Variants in SMAP1 observed in about 807,000 individuals in gnomAD.
The protein encoded by SMAP1 is stromal membrane-associated protein 1.
A neutral mutation model predicts 58.5 loss-of-function variants in SMAP1; 24 were observed. That is an observed-to-expected ratio of 0.41 (90% CI 0.30 to 0.58). SMAP1 has a LOEUF of 0.58. Among genes scored for constraint, SMAP1 ranks in the 20% least tolerant of loss-of-function variants. The pLI, the probability that SMAP1 is intolerant of heterozygous loss-of-function variation, is 0.29. For synonymous variants in SMAP1, 216 were observed against 196.6 expected, an observed-to-expected ratio of 1.10 and a Z score of -0.82; for missense variants, 563 against 566.3, an observed-to-expected ratio of 0.99 and a Z score of 0.06.
chr6:70,783,862 A>C (rs570580382), intron 4 of SMAP1, among the ~76,000 whole-genome samples: 82 of 152,350 alleles, frequency 5.4e-4, no homozygotes, highest in Middle Eastern at 3.4e-3. Flanking sequence ...AATGGAACCA[A>C]GTTGGAAAAC....
At chr6:70,794,711 TC>T (rs1004385155) in intron 5 of SMAP1, among the ~76,000 whole-genome samples, 13 of 152,090 alleles carry the variant, frequency 8.5e-5, no homozygotes, top group Admixed American at 5.9e-4. Flanking sequence ...CTCATCCATG[TC>T]CCTAGAAAGG....
chr6:70,814,552 C>A (rs906758014), intron 6 of SMAP1, among the ~76,000 whole-genome samples: 5 of 152,148 alleles, frequency 3.3e-5, no homozygotes, highest in South Asian at 2.1e-4. Flanking sequence ...TTAGAGCCTT[C>A]AGCTCTGTGC....
chr6:70,701,537 C>T (rs993126503), intron 1 of SMAP1, among the ~76,000 whole-genome samples: 2 of 152,146 alleles, frequency 1.3e-5, no homozygotes, highest in Non-Finnish European at 1.5e-5. Context: ...CTCAGGTTCT[C>T]GCTGCTGGGA....
At chr6:70,682,782 A>T (rs1766773796) in intron 1 of SMAP1, among the ~76,000 whole-genome samples, 1 of 152,192 alleles carries the variant, frequency 6.6e-6, no homozygotes, top group African/African-American at 2.4e-5. Flanking sequence ...TCATGCCTGT[A>T]ATCCTAGCAC....
At position 70,774,732 on chromosome 6, in the gene SMAP1, T is replaced by A. The variant is rs573606727; in HGVS notation, c.414+1307T>A. 2.2e-4 allele frequency among the ~76,000 whole-genome samples: 34 copies of A among 151,732 alleles called. No homozygotes were observed. In the South Asian group the frequency reaches 3.5e-3, roughly 16 times the overall value. ...CCCTATCTCTTTTTATTAAAAAAAA[T>A]TTTTATTTTTTTTTCGACTGGGCAT... On this transcript the variant is annotated intron_variant, in intron 4 of 10. Transcript: ENST00000370455.
intron 3 of SMAP1, among the ~76,000 whole-genome samples, chr6:70,763,499 C>G (rs1413913444): frequency 6.6e-6 from 1 of 152,142 alleles, no homozygotes; most frequent in Admixed American, 6.6e-5. Context: ...CCTACAGTAG[C>G]TTCTAAGTGT....
At chr6:70,784,921 A>G (rs1049984384) in intron 4 of SMAP1, among the ~76,000 whole-genome samples, 4 of 152,350 alleles carry the variant, frequency 2.6e-5, no homozygotes, top group Middle Eastern at 3.4e-3. Flanking sequence ...AAGGATACCC[A>G]GGAATAGAAC....
chr6:70,675,198 GTTTTTTTTTTTTTTTTT>G (rs67744035), intron 1 of SMAP1, among the ~76,000 whole-genome samples: 1 of 109,982 alleles, frequency 9.1e-6, no homozygotes, highest in African/African-American at 3.5e-5. Flanking sequence ...ATTATATAGT[GTTTTTTTTTTTTTTTTT>G]TTTTTTTTTA....
intron 1 of SMAP1, among the ~76,000 whole-genome samples, chr6:70,697,919 C>G (rs564516155): frequency 1.8e-4 from 27 of 152,166 alleles, no homozygotes; most frequent in Non-Finnish European, 2.9e-4. Context: ...CCTTTCTACT[C>G]AAGATATGAA....
At chr6:70,704,472 T>C (rs958067317) in intron 1 of SMAP1, among the ~76,000 whole-genome samples, 1 of 152,140 alleles carries the variant, frequency 6.6e-6, no homozygotes, top group Non-Finnish European at 1.5e-5. Context: ...CAAATTAAAA[T>C]GGTTATATTC....
At position 70,860,355 on chromosome 6, in the gene SMAP1, T is replaced by G. The variant is rs1771662367; in HGVS notation, c.*21T>G. On this transcript the variant is annotated 3_prime_UTR_variant, in exon 11 of 11. Coordinates refer to ENST00000370455, the MANE Select transcript of SMAP1 (RefSeq NM_001044305.3). ...AATGAAAACTGCAATACAAGTTTCATCCAGAACTACCACCTGACATTCCTT... is the reference window on the plus strand; with the variant it reads ...AATGAAAACTGCAATACAAGTTTCAGCCAGAACTACCACCTGACATTCCTT... 1 of 1,596,102 alleles carries G rather than the reference T, an allele frequency of 6.3e-7. No individual in the cohort carries two copies. Among genetic ancestry groups the G allele is most frequent in the African/African-American group, 1.3e-5 (1 of 74,384 alleles).
chr6:70,743,083 C>T (rs1030080719), intron 2 of SMAP1, among the ~76,000 whole-genome samples: 6 of 152,172 alleles, frequency 3.9e-5, no homozygotes, highest in Admixed American at 1.3e-4. Flanking sequence ...TTTTCAACTT[C>T]CTGTGCTTTT....
intron 1 of SMAP1, among the ~76,000 whole-genome samples, chr6:70,725,367 C>T (rs765666286): frequency 1.3e-5 from 2 of 151,960 alleles, no homozygotes; most frequent in Non-Finnish European, 2.9e-5. Flanking sequence ...CTACCCGCCT[C>T]GGCCTCCCTA....
chr6:70,759,277 G>GC (rs1041722759), intron 3 of SMAP1, among the ~76,000 whole-genome samples: 3 of 151,574 alleles, frequency 2.0e-5, no homozygotes, highest in African/African-American at 4.8e-5. Flanking sequence ...CTCTTTTTTT[G>GC]CCCCCCACTC....
At chr6:70,713,173 C>CT (rs1236120782) in intron 1 of SMAP1, among the ~76,000 whole-genome samples, 1 of 152,126 alleles carries the variant, frequency 6.6e-6, no homozygotes, top group Non-Finnish European at 1.5e-5. Context: ...CTCTCTTTCT[C>CT]TTAGACTACC....
At chr6:70,794,911 C>T (rs1768537364) in intron 5 of SMAP1, among the ~76,000 whole-genome samples, 1 of 151,798 alleles carries the variant, frequency 6.6e-6, no homozygotes, top group African/African-American at 2.4e-5. Context: ...GCCTCAGCCT[C>T]CCGAGTAGCT....
At chr6:70,802,306 GCTCT>G (rs778848726) in intron 6 of SMAP1, among the ~76,000 whole-genome samples, 2 of 151,746 alleles carry the variant, frequency 1.3e-5, no homozygotes, top group Non-Finnish European at 2.9e-5. Flanking sequence ...TCATGATTTG[GCTCT>G]CTGTCATTGT....
chr6:70,671,794 G>T (rs942241358), intron 1 of SMAP1, among the ~76,000 whole-genome samples: 1 of 152,152 alleles, frequency 6.6e-6, no homozygotes, highest in Non-Finnish European at 1.5e-5. Context: ...TGTAGCATGT[G>T]TCGGTACCTC....
chr6:70,748,027 T>C (rs1445421829), intron 2 of SMAP1, among the ~76,000 whole-genome samples: 1 of 152,202 alleles, frequency 6.6e-6, no homozygotes, highest in Non-Finnish European at 1.5e-5. Context: ...GAATGGACTC[T>C]GTATTAAATA....
Sources: gnomAD v4.1 joint callset for allele counts (sites outside exome capture counted in the v4.1 genomes callset) on GRCh38, gnomAD v4.1.1 for gene constraint, MANE v1.5 for transcripts, NCBI Gene and HGNC (gene_info 2026-07-23, HGNC 2026-07-21) for gene names.